Variants in HEMGN observed in about 807,000 individuals in gnomAD.
The protein encoded by HEMGN is hemogen.
HEMGN carries 32 observed loss-of-function variants against 45.7 expected under a neutral mutation model. The ratio of observed to expected loss-of-function variants is 0.70; its 90% CI spans 0.53 to 0.94. The LOEUF is 0.94. Ranked by LOEUF, HEMGN falls within the 40% of genes least tolerant of loss-of-function variation. The pLI, the probability that HEMGN is intolerant of heterozygous loss-of-function variation, is 0.00. For synonymous variants in HEMGN, 183 were observed against 178.6 expected (o/e 1.02, Z -0.20); for missense variants, 530 against 564.2 (o/e 0.94, Z 0.61).
chr9:97,941,352 C>T (rs993590789), upstream of HEMGN, among the ~76,000 whole-genome samples: 1 of 152,074 alleles, frequency 6.6e-6, no homozygotes, highest in African/African-American at 2.4e-5. Context: ...CCTATTATTG[C>T]CCCTTGTAGG....
At chr9:97,942,809 G>T (rs188992798), upstream of HEMGN, among the ~76,000 whole-genome samples, 1 of 152,252 alleles carries the variant, frequency 6.6e-6, no homozygotes, top group Admixed American at 6.5e-5. Flanking sequence ...AATAGCTCAG[G>T]CCATGTACTG....
At chr9:97,940,008 T>C (rs1827128800), upstream of HEMGN, among the ~76,000 whole-genome samples, 1 of 152,252 alleles carries the variant, frequency 6.6e-6, no homozygotes, top group African/African-American at 2.4e-5. Flanking sequence ...TTTTAAATAT[T>C]GGTCCCTTTA....
At chr9:97,941,972 C>A (rs1827159540), upstream of HEMGN, among the ~76,000 whole-genome samples, 1 of 152,102 alleles carries the variant, frequency 6.6e-6, no homozygotes, top group African/African-American at 2.4e-5. Context: ...CAAGGGCATG[C>A]AGATGAAACC....
chr9:97,928,588 T>G (rs1236415590), intron 3 of HEMGN, among the ~76,000 whole-genome samples: 1 of 152,224 alleles, frequency 6.6e-6, no homozygotes, highest in Non-Finnish European at 1.5e-5. Flanking sequence ...ATATTTAGAA[T>G]GGGAGTATTA....
chr9:97,931,435 G>C (rs1348387), intron 2 of HEMGN, among the ~76,000 whole-genome samples: 14,117 of 152,232 alleles, frequency 0.093, 874 homozygotes, highest in Admixed American at 0.13. Flanking sequence ...CCAGGACTTC[G>C]TGGCATTGAT....
At position 97,930,665 on chromosome 9, in the gene HEMGN, A is replaced by C; in HGVS notation, c.730T>G (p.Cys244Gly). 5.0e-6 allele frequency: 8 copies of C among 1,614,190 alleles called. No homozygotes were observed. Among genetic ancestry groups the C allele is most frequent in the Non-Finnish European group, 5.9e-6 (7 of 1,180,028 alleles). Reference protein sequence around the residue: ...QEAAVPKILPCPTSEDTADLA... With the variant: ...QEAAVPKILPGPTSEDTADLA... ...TCAGCTGTGTCTTCAGATGTTGGAC[A>C]AGGAAGGATTTTGGGTACAGCAGCT... Residue 244 changes from cysteine (C) to glycine (G), a missense_variant, in exon 3 of 4, where the codon TGT (cysteine) becomes GGT (glycine). By Grantham distance (159) the Cys-to-Gly change is radical (BLOSUM62 -3). Transcript: ENST00000616898.
chr9:97,930,082 G>C lies in HEMGN; in HGVS notation c.1313C>G (p.Pro438Arg). Residue 438 changes from proline to arginine, a missense_variant, in exon 3 of 4, where the codon CCT (proline) becomes CGT (arginine). Physicochemically the swap from Pro to Arg is moderately radical, Grantham distance 103. Transcript: ENST00000616898. ...TTTAGCATCTTCCTGGTGTGCTTTA[G>C]GATCCTGGCCTTGGGGCCCACCTGT... ...QETGGPQGQD[P>R]KAHQEDAKDA... is the part of the protein sequence containing the mutation. The C allele has an allele frequency of 6.2e-7, 1 of 1,614,080 alleles. No individual in the cohort carries two copies. Among genetic ancestry groups the C allele is most frequent in the Non-Finnish European group, 8.5e-7 (1 of 1,180,006 alleles).
At chr9:97,941,162 C>T (rs528991667), upstream of HEMGN, among the ~76,000 whole-genome samples, 1 of 152,238 alleles carries the variant, frequency 6.6e-6, no homozygotes, top group South Asian at 2.1e-4. Context: ...TTGATGGTGG[C>T]TGCTATTTTA....
At chr9:97,941,826 C>G (rs1827157724), upstream of HEMGN, among the ~76,000 whole-genome samples, 1 of 152,104 alleles carries the variant, frequency 6.6e-6, no homozygotes, top group Non-Finnish European at 1.5e-5. Context: ...AAGACTGTTT[C>G]AAGGAGGAGA....
At chr9:97,938,235 C>A (rs529930007), upstream of HEMGN, 536 of 750,606 alleles carry the variant, frequency 7.1e-4, 3 homozygotes, top group African/African-American at 7.0e-3. Context: ...AAAAAAAAAA[C>A]CACACACACA....
At chr9:97,938,012 C>G (rs200233713) in intron 1 of HEMGN, 46 bp downstream of exon 1, 7 of 1,215,892 alleles carry the variant, frequency 5.8e-6, no homozygotes, top group African/African-American at 1.5e-5. Context: ...TATCATACCC[C>G]GAATTCTTCT....
chr9:97,944,597 C>T (rs983215248), intron 1 of HEMGN, among the ~76,000 whole-genome samples: 13 of 152,310 alleles, frequency 8.5e-5, no homozygotes, highest in Non-Finnish European at 2.9e-5. Flanking sequence ...ATTCCTGCTA[C>T]AGCTGGCTCT....
At position 97,927,428 on chromosome 9, in the gene HEMGN, C is replaced by T. The variant is rs1826848172; in HGVS notation, c.1411G>A (p.Glu471Lys). The T allele has an allele frequency of 1.9e-6, 3 of 1,610,246 alleles. No homozygotes were observed. Among genetic ancestry groups the T allele is most frequent in the African/African-American group, 2.7e-5 (2 of 74,870 alleles). Residue 471 changes from glutamate to lysine, a missense_variant, in exon 4 of 4, where the codon GAG (glutamate) becomes AAG (lysine). Glu to Lys is a moderately conservative substitution (Grantham distance 56, BLOSUM62 1). Coordinates refer to ENST00000616898, the MANE Select transcript of HEMGN (RefSeq NM_197978.3). Reference protein sequence around the residue: ...EEPGIPAILNESHPENDVYSY... With the variant: ...EEPGIPAILNKSHPENDVYSY... ...TAGACATCATTTTCTGGATGACTCT[C>T]ATTCAGAATTGCTGGTATTCCTGGC...
chr9:97,944,033 C>A (rs1377989912), intron 1 of HEMGN, among the ~76,000 whole-genome samples: 2 of 152,106 alleles, frequency 1.3e-5, no homozygotes, highest in Non-Finnish European at 2.9e-5. Flanking sequence ...GCTTCTCTTT[C>A]ACTCCCCTAG....
At chr9:97,929,996 G>A (rs1210319090) in intron 3 of HEMGN, 39 bp downstream of exon 3, 2 of 1,441,724 alleles carry the variant, frequency 1.4e-6, no homozygotes, top group Non-Finnish European at 1.9e-6. Flanking sequence ...ACTACTCTGG[G>A]GGAGATGTAC....
upstream of HEMGN, chr9:97,938,376 G>C (rs565873604): frequency 1.6e-3 from 699 of 426,188 alleles, 1 homozygote; most frequent in Non-Finnish European, 2.4e-3. Flanking sequence ...GCAACCCCTA[G>C]CATAGGTTGC....
At chr9:97,928,464 C>T (rs923720292) in intron 3 of HEMGN, among the ~76,000 whole-genome samples, 4 of 152,202 alleles carry the variant, frequency 2.6e-5, no homozygotes, top group African/African-American at 9.7e-5. Context: ...GTCTGACTGA[C>T]TGTATATTCA....
chr9:97,943,987 C>T (rs1827187647), intron 1 of HEMGN, among the ~76,000 whole-genome samples: 2 of 152,026 alleles, frequency 1.3e-5, no homozygotes, highest in African/African-American at 4.8e-5. Flanking sequence ...GTGGTGTTCT[C>T]ACCTCTCTCT....
At position 97,930,375 on chromosome 9, in the gene HEMGN, A is replaced by G. The variant is rs1826921886; in HGVS notation, c.1020T>C (p.His340=). The change falls in exon 3 of 4, where the codon CAT becomes CAC. Residue 340 remains histidine, a synonymous_variant. Coordinates refer to ENST00000616898, the MANE Select transcript of HEMGN (RefSeq NM_197978.3). ...AATGAGGTGTTTCTTGGATTGTTTT[A>G]TGAGAGGGGGCTTTAGGCACAATAA... is the stretch of plus-strand genomic sequence containing the variant. ...NEIIVPKAPS[H]KTIQETPHSE... is the part of the protein sequence containing the mutation. The G allele has an allele frequency of 6.2e-7, 1 of 1,613,810 alleles. No homozygotes were observed. Among genetic ancestry groups the G allele is most frequent in the Non-Finnish European group, 8.5e-7 (1 of 1,179,918 alleles).
Sources: allele counts gnomAD v4.1 joint callset (sites outside exome capture counted in the v4.1 genomes callset), GRCh38; gene constraint gnomAD v4.1.1; transcripts MANE v1.5; gene names NCBI Gene and HGNC (gene_info 2026-07-23, HGNC 2026-07-21).